The following KANK4 variants were observed in gnomAD, a reference collection of about 807,000 sequenced individuals.
KANK4 encodes KN motif and ankyrin repeat domains 4, also known as KN motif and ankyrin repeat domain-containing protein 4.
In KANK4, 50 loss-of-function variants were observed where a neutral mutation model predicts 80.8. The observed-to-expected ratio is 0.62, with a 90% CI of 0.49 to 0.78. The LOEUF is 0.78. Ranked by LOEUF, KANK4 falls within the 30% of genes least tolerant of loss-of-function variation. The pLI, the probability that KANK4 is intolerant of heterozygous loss-of-function variation, is 0.00. For missense variants in KANK4, 1,196 were observed against 1,240.1 expected (o/e 0.96, Z 0.53); for synonymous variants, 465 against 506.9 (o/e 0.92, Z 1.11).
chr1:62,275,147 C>T lies in KANK4; in HGVS notation c.17-60G>A, dbSNP rs1048334094. Reference sequence around the variant, plus strand: ...ACAAATTTAATTAAGCATTACAGGGCGATGAGGCCTAATATCTCTGATTTT... The same window carrying T: ...ACAAATTTAATTAAGCATTACAGGGTGATGAGGCCTAATATCTCTGATTTT... On this transcript the variant is annotated intron_variant, in intron 2 of 9. Transcript: ENST00000371153. 46 of 1,274,092 alleles carry T rather than the reference C, an allele frequency of 3.6e-5. No homozygotes were observed. The African/African-American group carries it at 5.4e-4, about 15-fold the overall frequency. The allele number at this position is 1,274,092 out of a possible 1,614,324, so 78.9% of individuals were successfully genotyped here. A position where few individuals can be genotyped will look rare whatever the true frequency, so the allele number is the denominator to read the frequency against.
In KANK4 at chr1:62,271,414, T is replaced by C. The variant is rs1672158237; in HGVS notation, c.2012+64A>G. The C allele has an allele frequency of 1.2e-5, 13 of 1,078,792 alleles. No individual in the cohort carries two copies. The South Asian group carries it at 1.5e-4, about 12-fold the overall frequency. The allele number at this position is 1,078,792 out of a possible 1,614,324, so 66.8% of individuals were successfully genotyped here. A position where few individuals can be genotyped will look rare whatever the true frequency, so the allele number is the denominator to read the frequency against. ...GATGCCTCCCCCTAGGAAAAGAGAG[T>C]GCAAAGGACAATAGCAGGAGAGGTA... is the stretch of plus-strand genomic sequence containing the variant. On this transcript the variant is annotated intron_variant, in intron 4 of 9. Transcript: ENST00000371153.
intron 8 of KANK4, among the ~76,000 whole-genome samples, chr1:62,249,635 C>T (rs958172327): frequency 2.7e-5 from 4 of 150,800 alleles, no homozygotes; most frequent in South Asian, 2.1e-4. Flanking sequence ...CTCTGCCTCA[C>T]GGGTTCAAGC....
intron 5 of KANK4, 56 bp from the exon 6 acceptor site, chr1:62,266,875 A>T: frequency 8.7e-7 from 1 of 1,143,028 alleles, no homozygotes; most frequent in Admixed American, 1.8e-5. Flanking sequence ...AAGTTGATAA[A>T]CAAGACTTTC....
At chr1:62,244,394 T>C (rs1238287649) in intron 9 of KANK4, among the ~76,000 whole-genome samples, 1 of 151,974 alleles carries the variant, frequency 6.6e-6, no homozygotes, top group Admixed American at 6.6e-5. Flanking sequence ...GAGGGGGTGA[T>C]ATGGTTTGGC....
rs755492084 is a variant in KANK4 at position 62,273,844 on chromosome 1, A to G, written c.1260T>C (p.His420=). 16 of 1,614,072 alleles carry G rather than the reference A, an allele frequency of 9.9e-6. No homozygotes were observed. Among genetic ancestry groups the G allele is most frequent in the Non-Finnish European group, 1.3e-5 (15 of 1,180,038 alleles). The change falls in exon 3 of 10, where the codon CAT becomes CAC. Residue 420 remains histidine (H), a synonymous_variant. Transcript: ENST00000371153. ...TDVMVNTDPV[H]GLLTRESCDK... is the part of the protein sequence containing the mutation. ...CACACGACTCCCTGGTCAAGAGTCC[A>G]TGGACAGGGTCAGTGTTCACCATCA...
At chr1:62,300,512 C>A (rs1644402725) in intron 1 of KANK4, among the ~76,000 whole-genome samples, 1 of 152,016 alleles carries the variant, frequency 6.6e-6, no homozygotes, top group Non-Finnish European at 1.5e-5. Flanking sequence ...TATTTTTGAG[C>A]TGGGCGTTGA....
intron 4 of KANK4, 31 bp downstream of exon 4, chr1:62,271,447 A>G: frequency 7.1e-7 from 1 of 1,413,662 alleles, no homozygotes; most frequent in South Asian, 1.1e-5. Flanking sequence ...GTAGCAAGAA[A>G]GGCAGTCTGA....
At chr1:62,289,263 A>C (rs990079382) in intron 1 of KANK4, among the ~76,000 whole-genome samples, 2 of 152,212 alleles carry the variant, frequency 1.3e-5, no homozygotes, top group African/African-American at 2.4e-5. Context: ...TCTATTGTCC[A>C]AAGTCAAAGC....
At chr1:62,254,582 GTC>G (rs1301091356) in intron 7 of KANK4, among the ~76,000 whole-genome samples, 1 of 142,020 alleles carries the variant, frequency 7.0e-6, no homozygotes, top group Admixed American at 7.1e-5. Context: ...TTTTCAGACA[GTC>G]TCTCTGTCGC....
chr1:62,248,224 A>C (rs1671519375), intron 8 of KANK4, among the ~76,000 whole-genome samples: 1 of 152,098 alleles, frequency 6.6e-6, no homozygotes, highest in African/African-American at 2.4e-5. Flanking sequence ...GTCATTTCTA[A>C]TCTATAGACA....
chr1:62,253,494 C>T (rs975064733), intron 7 of KANK4, among the ~76,000 whole-genome samples: 8 of 149,408 alleles, frequency 5.4e-5, no homozygotes, highest in African/African-American at 9.9e-5. Flanking sequence ...ACTGCAACCT[C>T]CACCTCCCAG....
At chr1:62,257,237 G>T (rs1473957243) in intron 7 of KANK4, among the ~76,000 whole-genome samples, 3 of 152,090 alleles carry the variant, frequency 2.0e-5, no homozygotes, top group African/African-American at 4.8e-5. Context: ...ACAGGCATGC[G>T]CCACCACGCC....
At chr1:62,315,903 C>T (rs2149176520) in intron 1 of KANK4, among the ~76,000 whole-genome samples, 1 of 152,332 alleles carries the variant, frequency 6.6e-6, no homozygotes, top group African/African-American at 2.4e-5. Context: ...AGCACATACT[C>T]CATGGCCCTG....
At chr1:62,263,041 C>A (rs752971795) in intron 7 of KANK4, 51 bp downstream of exon 7, 21 of 1,397,414 alleles carry the variant, frequency 1.5e-5, no homozygotes, top group Non-Finnish European at 2.0e-5. Flanking sequence ...TTAAAAATTG[C>A]CCTGCTCTTC....
rs996118786 is a variant in KANK4 at position 62,271,334 on chromosome 1, G to T, written c.2012+144C>A. On this transcript the variant is annotated intron_variant, in intron 4 of 9. Coordinates refer to ENST00000371153, the MANE Select transcript of KANK4 (RefSeq NM_181712.5). Reference sequence around the variant, plus strand: ...AGAAGCCAAACGCATGCAAACCCGAGATGGAGTTTTAAAGGGCCATTGAAA... The same window carrying T: ...AGAAGCCAAACGCATGCAAACCCGATATGGAGTTTTAAAGGGCCATTGAAA... 6 of 654,854 alleles carry T rather than the reference G, an allele frequency of 9.2e-6. No homozygotes were observed. The East Asian group carries it at 1.6e-4, about 17-fold the overall frequency. 40.6% of individuals were successfully genotyped at this position (654,854 alleles called of 1,614,324 possible).
At chr1:62,266,936 C>T in intron 5 of KANK4, 117 bp from the exon 6 acceptor site, 1 of 654,504 alleles carries the variant, frequency 1.5e-6, no homozygotes, top group South Asian at 1.9e-5. Flanking sequence ...AACTGGGCAA[C>T]TGCCCTAGGA....
Position 62,266,791 on chromosome 1 carries a change from C to T in KANK4, c.2260G>A (p.Ala754Thr). The change falls in exon 6 of 10, where the codon GCA becomes ACA. Residue 754 changes from alanine (A) to threonine (T), a missense_variant. Around this residue, in one of 3 missense-constraint regions of KANK4, gnomAD observed 1,154 missense variants for 1,179.6 expected, o/e 0.98. Coordinates refer to ENST00000371153, the MANE Select transcript of KANK4 (RefSeq NM_181712.5). Reference protein sequence around the residue: ...RYKPSEEFLNACRALSQHLPE... With the variant: ...RYKPSEEFLNTCRALSQHLPE... ...AGATGCTGGCTCAGTGCCCGGCATG[C>T]ATTAAGAAATTCTTCTGAGGGTTTA... 6.2e-7 allele frequency: 1 copy of T among 1,611,976 alleles called. No individual in the cohort carries two copies. The highest frequency in any genetic ancestry group is 8.5e-7 in the Non-Finnish European group (1 of 1,178,078).
At chr1:62,317,168 C>A (rs1265230729) in intron 1 of KANK4, among the ~76,000 whole-genome samples, 1 of 152,052 alleles carries the variant, frequency 6.6e-6, no homozygotes, top group Non-Finnish European at 1.5e-5. Context: ...GCAGGTAGGG[C>A]CCAGATGAGG....
Position 62,274,545 on chromosome 1 carries a change from G to A in KANK4, c.559C>T (p.Pro187Ser). ...CCCTGAAGGGGAGGGAGGGCAGGAG[G>A]GGCAGGGGGCCCCAGGCTCAGGCCT... ...EPGLSLGPPA[P>S]PALPPLQGEG... The change falls in exon 3 of 10, where the codon CCT becomes TCT. Residue 187 changes from proline (P) to serine (S), a missense_variant. Physicochemically the swap from Pro to Ser is moderately conservative, Grantham distance 74. This residue lies in a region of KANK4 where 1,154 missense variants were observed against 1,179.6 expected (regional missense o/e 0.98). Coordinates refer to ENST00000371153, the MANE Select transcript of KANK4 (RefSeq NM_181712.5). 6.2e-7 allele frequency: 1 copy of A among 1,614,094 alleles called. No homozygotes were observed. Among genetic ancestry groups the A allele is most frequent in the Non-Finnish European group, 8.5e-7 (1 of 1,179,950 alleles).
Sources: allele counts gnomAD v4.1 joint callset (sites outside exome capture counted in the v4.1 genomes callset), GRCh38; gene constraint gnomAD v4.1.1; regional missense constraint gnomAD v4.1.1; transcripts MANE v1.5; gene names NCBI Gene and HGNC (gene_info 2026-07-23, HGNC 2026-07-21).